PKD1L1: variants seen among roughly 807,000 people sequenced by gnomAD.
PKD1L1 encodes the protein polycystin 1 like 1, transient receptor potential channel interacting, also known as polycystin-1-like protein 1.
In PKD1L1, 236 loss-of-function variants were observed where a neutral mutation model predicts 323.4. The observed-to-expected ratio is 0.73, with a 90% CI of 0.66 to 0.81. The LOEUF is 0.81. PKD1L1 is among the 40% of genes least tolerant of loss of function. The probability of loss-of-function intolerance (pLI) is 0.00; values close to 1 mark genes in which losing one functional copy is unlikely to be tolerated. For synonymous variants in PKD1L1, 1,344 were observed against 1,335.0 expected (o/e 1.01, Z -0.15); for missense variants, 3,320 against 3,508.0 (o/e 0.95, Z 1.35).
In PKD1L1 at chr7:47,886,021, G is replaced by A. The variant is rs141074403; in HGVS notation, c.2870C>T (p.Ser957Leu). The A allele has an allele frequency of 2.6e-4, 423 of 1,614,020 alleles. 1 individual carries two copies. Among genetic ancestry groups the A allele is most frequent in the Middle Eastern group, 1.5e-3 (9 of 6,060 alleles). The change falls in exon 18 of 57, where the codon TCG becomes TTG. Residue 957 changes from serine to leucine, a missense_variant. Transcript: ENST00000289672. ...PFCRVVGLLG[S>L]LGLGAISESS... ...CTCTGAAATGGCACCGAGTCCCAGC[G>A]AGCCAAGCAGCCCCACTACTCTGCA...
chr7:47,841,399 G>C (rs559959183), intron 34 of PKD1L1, among the ~76,000 whole-genome samples: 1 of 152,270 alleles, frequency 6.6e-6, no homozygotes, highest in South Asian at 2.1e-4. Context: ...CCTGGATATC[G>C]AGTTGGGAGG....
chr7:47,932,138 A>G (rs762548319), intron 4 of PKD1L1, 82 bp from the exon 5 acceptor site: 148 of 1,516,366 alleles, frequency 9.8e-5, no homozygotes, highest in Non-Finnish European at 1.3e-4. Flanking sequence ...ATTACAAATC[A>G]TGCCCTTCAC....
intron 22 of PKD1L1, among the ~76,000 whole-genome samples, chr7:47,877,169 C>A (rs1786424752): frequency 6.6e-6 from 1 of 152,102 alleles, no homozygotes; most frequent in South Asian, 2.1e-4. Flanking sequence ...GGTCACGTGC[C>A]TGCCTTTTTC....
At chr7:47,832,439 T>C (rs1209350703) in intron 41 of PKD1L1, among the ~76,000 whole-genome samples, 3 of 152,202 alleles carry the variant, frequency 2.0e-5, no homozygotes, top group Non-Finnish European at 4.4e-5. Flanking sequence ...CCCCACTGTG[T>C]GTAAGGTGCT....
intron 8 of PKD1L1, among the ~76,000 whole-genome samples, chr7:47,914,548 C>G (rs2128752586): frequency 6.6e-6 from 1 of 152,284 alleles, no homozygotes; most frequent in Non-Finnish European, 1.5e-5. Context: ...CTGGGTTGTT[C>G]AAGGAATTGG....
At chr7:47,877,080 C>T (rs1786421661) in intron 22 of PKD1L1, among the ~76,000 whole-genome samples, 1 of 152,128 alleles carries the variant, frequency 6.6e-6, no homozygotes, top group Non-Finnish European at 1.5e-5. Context: ...TTCTCCATGG[C>T]CCAGAGAAAG....
chr7:47,813,098 C>G (rs1489165836), intron 49 of PKD1L1, 23 bp downstream of exon 49: 1 of 1,603,616 alleles, frequency 6.2e-7, no homozygotes, highest in African/African-American at 1.3e-5. Flanking sequence ...AGGATGAGCC[C>G]CGGCCCTTCG....
chr7:47,890,742 G>A lies in PKD1L1; in HGVS notation c.2475C>T (p.Thr825=), dbSNP rs141161569. Residue 825 remains threonine (T), a synonymous_variant, in exon 16 of 57, where the codon ACC becomes ACT. Coordinates refer to ENST00000289672, the MANE Select transcript of PKD1L1 (RefSeq NM_138295.5). ...AGCAGGGATGTGCTGGGGAGCCAGC[G>A]GTGGCGCATTCCCAGTGATACCTGT... ...ATLRYHWECA[T]AGSPAHPCFD... The A allele has an allele frequency of 3.3e-5, 54 of 1,612,496 alleles. No individual in the cohort carries two copies. The East Asian group carries it at 3.6e-4, about 11-fold the overall frequency.
intron 11 of PKD1L1, among the ~76,000 whole-genome samples, 162 bp downstream of exon 11, chr7:47,904,995 C>T (rs1158512733): frequency 6.6e-6 from 1 of 152,136 alleles, no homozygotes; most frequent in Non-Finnish European, 1.5e-5. Flanking sequence ...GAAATCTTCC[C>T]TTAAATCTTA....
intron 24 of PKD1L1, among the ~76,000 whole-genome samples, chr7:47,868,336 T>G (rs1011314749): frequency 6.6e-6 from 1 of 152,068 alleles, no homozygotes; most frequent in African/African-American, 2.4e-5. Flanking sequence ...GCCATTGCAC[T>G]GCAGCCTGGG....
intron 49 of PKD1L1, among the ~76,000 whole-genome samples, 198 bp downstream of exon 49, chr7:47,812,923 G>C (rs867967135): frequency 6.6e-6 from 1 of 152,226 alleles, no homozygotes; most frequent in African/African-American, 2.4e-5. Context: ...GCTCTCCCAC[G>C]TGGAGGCCTG....
At position 47,902,467 on chromosome 7, in the gene PKD1L1, C is replaced by T; in HGVS notation, c.1976G>A (p.Ser659Asn). The part of the protein sequence containing the change: ...TVEVLAFNNV[S>N]ASTLRQQLFI... ...AAGTTGCTGTCTTAGAGTGGAGGCA[C>T]TGACATTATTGAAGGCAAGGACCTC... The change falls in exon 13 of 57, where the codon AGT becomes AAT. Residue 659 changes from serine to asparagine, a missense_variant. Coordinates refer to ENST00000289672, the MANE Select transcript of PKD1L1 (RefSeq NM_138295.5). 6.2e-7 allele frequency: 1 copy of T among 1,614,124 alleles called. No individual in the cohort carries two copies. The highest frequency in any genetic ancestry group is 8.5e-7 in the Non-Finnish European group (1 of 1,179,974).
At chr7:47,825,694 T>C (rs1785229149) in intron 45 of PKD1L1, among the ~76,000 whole-genome samples, 1 of 152,170 alleles carries the variant, frequency 6.6e-6, no homozygotes, top group Admixed American at 6.6e-5. Flanking sequence ...CCTTTTTGTG[T>C]CTGGATTTTA....
intron 56 of PKD1L1, among the ~76,000 whole-genome samples, chr7:47,779,991 T>C (rs1366998105): frequency 2.6e-5 from 4 of 152,216 alleles, no homozygotes; most frequent in Non-Finnish European, 4.4e-5. Flanking sequence ...TTCAACTTAT[T>C]GTAATTTTGT....
Position 47,775,206 on chromosome 7 carries a change from C to T in PKD1L1, c.8527-40G>A, listed in dbSNP as rs80270985. 546 of 1,612,854 alleles carry T rather than the reference C, an allele frequency of 3.4e-4. 7 individuals carry two copies. In the African/African-American group the frequency reaches 6.8e-3, roughly 20 times the overall value. On this transcript the variant is annotated intron_variant, in intron 56 of 56. Coordinates refer to ENST00000289672, the MANE Select transcript of PKD1L1 (RefSeq NM_138295.5). ...TGAAAAACATACTGAAACAACACCCCTCTCTCAGTGATTGACAGAACAAAT... is the reference window on the plus strand; with the variant it reads ...TGAAAAACATACTGAAACAACACCCTTCTCTCAGTGATTGACAGAACAAAT...
chr7:47,862,104 A>G (rs1786043529), intron 26 of PKD1L1, among the ~76,000 whole-genome samples: 1 of 151,744 alleles, frequency 6.6e-6, no homozygotes, highest in Non-Finnish European at 1.5e-5. Flanking sequence ...CTGAGACAGG[A>G]GAATCACTTG....
intron 15 of PKD1L1, among the ~76,000 whole-genome samples, chr7:47,893,398 C>A (rs1206321366): frequency 6.6e-6 from 1 of 152,102 alleles, no homozygotes; most frequent in African/African-American, 2.4e-5. Flanking sequence ...GGAGAATGGT[C>A]TAAACAGAGA....
At chr7:47,812,740 A>G (rs1784927847) in intron 49 of PKD1L1, among the ~76,000 whole-genome samples, 1 of 152,090 alleles carries the variant, frequency 6.6e-6, no homozygotes, top group African/African-American at 2.4e-5. Flanking sequence ...TCCACCCCTC[A>G]CCCTCAGGAC....
chr7:47,780,486 G>A (rs1207143495), intron 56 of PKD1L1, among the ~76,000 whole-genome samples: 1 of 152,094 alleles, frequency 6.6e-6, no homozygotes, highest in African/African-American at 2.4e-5. Context: ...ACAAAAATTA[G>A]CCAGGCGTGG....
Sources: gnomAD v4.1 joint callset for allele counts (sites outside exome capture counted in the v4.1 genomes callset) on GRCh38, gnomAD v4.1.1 for gene constraint, MANE v1.5 for transcripts, NCBI Gene and HGNC (gene_info 2026-07-23, HGNC 2026-07-21) for gene names.